Variants in NRK observed in about 807,000 individuals in gnomAD.
NRK encodes the protein Nik related kinase.
A neutral mutation model predicts 125.2 loss-of-function variants in NRK; 67 were observed. That is an observed-to-expected ratio of 0.54 (90% confidence interval 0.44 to 0.66). The LOEUF (loss-of-function observed/expected upper bound fraction) is 0.66. NRK is among the 30% of genes least tolerant of loss of function. The pLI is 0.00. For synonymous variants in NRK, 458 were observed against 429.0 expected (o/e 1.07, Z -0.84); for missense variants, 1,224 against 1,192.9 (o/e 1.03, Z -0.38).
intron 16 of NRK, among the ~76,000 whole-genome samples, chrX:105,918,082 C>T (rs971383586): frequency 1.8e-5 from 2 of 110,850 alleles, no homozygotes; most frequent in Non-Finnish European, 3.8e-5. Context: ...CAGTTGGTTA[C>T]TTCACCTCTC....
intron 16 of NRK, among the ~76,000 whole-genome samples, chrX:105,917,963 A>G (rs1303298671): frequency 1.8e-5 from 2 of 111,060 alleles, no homozygotes; most frequent in East Asian, 5.7e-4. Flanking sequence ...TATACCACGT[A>G]AGAAAAGTAT....
chrX:105,885,623 T>C (rs1324070402), intron 4 of NRK, among the ~76,000 whole-genome samples: 1 of 111,850 alleles, frequency 8.9e-6, no homozygotes, highest in African/African-American at 3.3e-5. Flanking sequence ...TCAAAACCAC[T>C]TGGCTATCAT....
intron 2 of NRK, among the ~76,000 whole-genome samples, chrX:105,856,759 T>G (rs965594272): frequency 1.8e-5 from 2 of 111,880 alleles, no homozygotes; most frequent in Non-Finnish European, 3.8e-5. Context: ...GAGTGGGTTT[T>G]TGAGGGTCAG....
chrX:105,887,586 A>C (rs1332581371), intron 4 of NRK, among the ~76,000 whole-genome samples: 1 of 112,370 alleles, frequency 8.9e-6, no homozygotes, highest in Non-Finnish European at 1.9e-5. Flanking sequence ...TATTCATAAT[A>C]GCTAAATGGT....
chrX:105,861,969 G>T (rs1202935551), intron 2 of NRK, among the ~76,000 whole-genome samples: 1 of 111,601 alleles, frequency 9.0e-6, no homozygotes, highest in South Asian at 3.8e-4. Flanking sequence ...AGGCTGAGAC[G>T]GGAGAATCAC....
intron 16 of NRK, among the ~76,000 whole-genome samples, chrX:105,918,078 G>C (rs1024486829): frequency 8.1e-5 from 9 of 110,522 alleles, no homozygotes; most frequent in African/African-American, 2.3e-4. Context: ...TTATCAGTTG[G>C]TTACTTCACC....
intron 19 of NRK, among the ~76,000 whole-genome samples, chrX:105,929,669 A>G (rs1433092878): frequency 9.1e-6 from 1 of 110,321 alleles, no homozygotes; most frequent in Non-Finnish European, 1.9e-5. Context: ...ACCTTTCTAT[A>G]CCTGCTTTAC....
At chrX:105,836,642 G>A (rs1410508267) in intron 2 of NRK, among the ~76,000 whole-genome samples, 1 of 111,870 alleles carries the variant, frequency 8.9e-6, no homozygotes, top group Non-Finnish European at 1.9e-5. Flanking sequence ...GGAAATATAT[G>A]ATAAACATCC....
intron 2 of NRK, among the ~76,000 whole-genome samples, chrX:105,853,548 T>C (rs2039498984): frequency 8.9e-6 from 1 of 112,020 alleles, no homozygotes; most frequent in Non-Finnish European, 1.9e-5. Flanking sequence ...CACACAAATT[T>C]AGGAAATAAA....
chrX:105,906,037 G>A (rs2040215007), intron 10 of NRK, among the ~76,000 whole-genome samples: 1 of 111,767 alleles, frequency 8.9e-6, no homozygotes, highest in African/African-American at 3.3e-5. Flanking sequence ...ACTGCATATA[G>A]TCAAATGAAA....
chrX:105,922,757 T>C (rs746653195), intron 17 of NRK, among the ~76,000 whole-genome samples: 1 of 111,859 alleles, frequency 8.9e-6, no homozygotes, highest in Non-Finnish European at 1.9e-5. Flanking sequence ...TCAAGAGCTG[T>C]GTGTTAATCC....
intron 22 of NRK, among the ~76,000 whole-genome samples, chrX:105,939,531 C>G (rs2040708660): frequency 9.0e-6 from 1 of 110,897 alleles, no homozygotes; most frequent in Non-Finnish European, 1.9e-5. Context: ...TCTCTGAACT[C>G]CAGAGGAGTT....
In NRK at chrX:105,843,158, T is replaced by G. The variant is rs181135830; in HGVS notation, c.123+12039T>G. Among the ~76,000 whole-genome samples, 514 of 111,938 alleles carry G rather than the reference T, an allele frequency of 4.6e-3. 2 individuals carry two copies. Among genetic ancestry groups the G allele is most frequent in the Non-Finnish European group, 5.2e-3 (275 of 53,139 alleles). On this transcript the variant is annotated intron_variant, in intron 2 of 28. Coordinates refer to ENST00000243300, the MANE Select transcript of NRK (RefSeq NM_198465.4). The stretch of plus-strand genomic sequence containing the variant: ...TAAGGGATAAATGGCAAGCAGAAAT[T>G]TCAATGCAGACTGTTTTGTATATTT...
At chrX:105,824,727 CTT>C (rs1449528102) in intron 1 of NRK, among the ~76,000 whole-genome samples, 1 of 110,722 alleles carries the variant, frequency 9.0e-6, no homozygotes, top group African/African-American at 3.3e-5. Flanking sequence ...AGTCTGCAGT[CTT>C]TACATTGCAG....
chrX:105,833,002 T>C (rs1435864969), intron 2 of NRK, among the ~76,000 whole-genome samples: 1 of 110,793 alleles, frequency 9.0e-6, no homozygotes, highest in African/African-American at 3.3e-5. Flanking sequence ...GCCCTCCAGT[T>C]TGGGTGACAG....
At position 105,822,917 on chromosome X, in the gene NRK, C is replaced by T. The variant is rs1855246824; in HGVS notation, c.57+15C>T. Reference sequence around the variant, plus strand: ...GCCACCTGCCGGTGAGTAGAGGACGCCCGTCGCCCCCCGAAATGCTCTCTT... The same window carrying T: ...GCCACCTGCCGGTGAGTAGAGGACGTCCGTCGCCCCCCGAAATGCTCTCTT... On this transcript the variant is annotated intron_variant, in intron 1 of 28. Transcript: ENST00000243300. The T allele has an allele frequency of 8.8e-7, 1 of 1,141,173 alleles. No homozygotes were observed. Among genetic ancestry groups the T allele is most frequent in the African/African-American group, 1.8e-5 (1 of 55,486 alleles). 94.0% of individuals were successfully genotyped at this position (1,141,173 alleles called of 1,213,427 possible). A position where few individuals can be genotyped will look rare whatever the true frequency, so the allele number is the denominator to read the frequency against.
intron 2 of NRK, among the ~76,000 whole-genome samples, chrX:105,855,604 T>G (rs1383304403): frequency 9.0e-6 from 1 of 111,598 alleles, no homozygotes; most frequent in Non-Finnish European, 1.9e-5. Context: ...TATCTCTAAT[T>G]TATAAAACAA....
chrX:105,874,810 G>A (rs1289394570), intron 2 of NRK, among the ~76,000 whole-genome samples: 1 of 111,668 alleles, frequency 9.0e-6, no homozygotes, highest in African/African-American at 3.2e-5. Flanking sequence ...TGGACTAAAT[G>A]ATGCTGCTTA....
chrX:105,887,422 A>T (rs941154834), intron 4 of NRK, among the ~76,000 whole-genome samples: 1 of 112,095 alleles, frequency 8.9e-6, no homozygotes, highest in African/African-American at 3.2e-5. Flanking sequence ...TAAAACAGAA[A>T]ATAGCAAGTG....
Sources: allele counts gnomAD v4.1 joint callset (sites outside exome capture counted in the v4.1 genomes callset), GRCh38; gene constraint gnomAD v4.1.1; transcripts MANE v1.5; gene names NCBI Gene and HGNC (gene_info 2026-07-23, HGNC 2026-07-21).